DYSF: variants seen among roughly 807,000 people sequenced by gnomAD.
DYSF encodes dystrophy-associated fer-1-like 1.
In DYSF, 212 loss-of-function variants were observed where a neutral mutation model predicts 274.9. The ratio of observed to expected loss-of-function variants is 0.77; its 90% CI spans 0.69 to 0.86. The LOEUF is 0.86. DYSF is among the 40% of genes least tolerant of loss of function. The pLI, the probability that DYSF is intolerant of heterozygous loss-of-function variation, is 0.00. For synonymous variants in DYSF, 1,091 were observed against 1,078.7 expected (o/e 1.01, Z -0.22); for missense variants, 2,666 against 2,783.2 (o/e 0.96, Z 0.95).
chr2:71,479,796 T>C (rs1359613076), intron 1 of DYSF, among the ~76,000 whole-genome samples: 4 of 152,338 alleles, frequency 2.6e-5, no homozygotes, highest in East Asian at 3.9e-4. Flanking sequence ...AGAGCCATTC[T>C]GCATTCCCTC....
chr2:71,520,462 C>T (rs1412196651), intron 11 of DYSF, among the ~76,000 whole-genome samples: 1 of 152,212 alleles, frequency 6.6e-6, no homozygotes, highest in African/African-American at 2.4e-5. Context: ...ACACTGGGCT[C>T]ACGGCAGACA....
intron 53 of DYSF, among the ~76,000 whole-genome samples, chr2:71,680,436 C>G (rs2095281705): frequency 6.6e-6 from 1 of 152,120 alleles, no homozygotes; most frequent in Non-Finnish European, 1.5e-5. Flanking sequence ...TATTTATGCC[C>G]TCGGACTCTG....
At chr2:71,475,956 G>C (rs916229615) in intron 1 of DYSF, among the ~76,000 whole-genome samples, 2 of 152,008 alleles carry the variant, frequency 1.3e-5, no homozygotes, top group African/African-American at 2.4e-5. Flanking sequence ...ATTTTTTGTA[G>C]AGATGGAGCC....
intron 41 of DYSF, among the ~76,000 whole-genome samples, chr2:71,622,130 G>GTGTTTTTTTTTTT (rs775688599): frequency 1.1e-4 from 11 of 97,002 alleles, no homozygotes; most frequent in African/African-American, 4.3e-4. Context: ...TGATTTCTTT[G>GTGTTTTTTTTTTT]TTTTTTTTTT....
At chr2:71,650,263 T>C (rs2094633059) in intron 42 of DYSF, among the ~76,000 whole-genome samples, 1 of 152,108 alleles carries the variant, frequency 6.6e-6, no homozygotes, top group Non-Finnish European at 1.5e-5. Flanking sequence ...GGCAGATCAC[T>C]TGAAGTCAGG....
chr2:71,478,212 A>ATTT (rs61626723), intron 1 of DYSF, among the ~76,000 whole-genome samples: 1 of 140,894 alleles, frequency 7.1e-6, no homozygotes. Context: ...ATCCTCAATA[A>ATTT]TTTTTTTTTT....
rs1169156276 is a variant in DYSF at position 71,480,865 on chromosome 2, C to CT, written c.92-14dup. On this transcript the variant is annotated splice_polypyrimidine_tract_variant and intron_variant, in intron 1 of 55. Transcript: ENST00000410020. ...GGCGGGATGTGTCTCTCCATTCTCC[C>CT]TTTTGTGTCTCTTGTAGGGGTGAAG... 14 of 1,612,684 alleles carry CT rather than the reference C, an allele frequency of 8.7e-6. No individual in the cohort carries two copies. Among genetic ancestry groups the CT allele is most frequent in the Non-Finnish European group, 1.1e-5 (13 of 1,178,778 alleles).
rs1385763799 is a variant in DYSF at position 71,574,292 on chromosome 2, G to A, written c.3323G>A (p.Arg1108His). ...GAGTACCGCAAGACAGATGCCTTCC[G>A]CCGCCGCCGCTGGCGCCGTCGCATG... ...HLEYRKTDAF[R>H]RRRWRRRMEP... The change falls in exon 30 of 56, where the codon CGC becomes CAC. Residue 1108 changes from arginine (R) to histidine (H), a missense_variant. Physicochemically the swap from Arg to His is conservative, Grantham distance 29 (BLOSUM62 0). Around this residue, in one of 3 missense-constraint regions of DYSF, gnomAD observed 1,460 missense variants for 1,502.1 expected, o/e 0.97. Coordinates refer to ENST00000410020, the MANE Select transcript of DYSF (RefSeq NM_001130987.2). 2.5e-6 allele frequency: 4 copies of A among 1,613,294 alleles called. No homozygotes were observed. Among genetic ancestry groups the A allele is most frequent in the Non-Finnish European group, 3.4e-6 (4 of 1,179,560 alleles).
rs569528267 is a variant in DYSF at position 71,641,218 on chromosome 2, G to T, written c.4528-2747G>T. ...TTTTGAGACGGAGTCTCGCTCTGTG[G>T]CCCAGGTGGGAGTGCAGTGGCGCAA... On this transcript the variant is annotated intron_variant, in intron 41 of 55. Transcript: ENST00000410020. Among the ~76,000 whole-genome samples the T allele has an allele frequency of 6.3e-3, 876 of 138,832 alleles. 11 individuals carry two copies. Among genetic ancestry groups the T allele is most frequent in the African/African-American group, 0.024 (834 of 35,400 alleles). The allele number at this position is 138,832 out of a possible 152,430, so 91.1% of individuals were successfully genotyped here. A position where few individuals can be genotyped will look rare whatever the true frequency, so the allele number is the denominator to read the frequency against.
At chr2:71,635,353 A>C (rs894975802) in intron 41 of DYSF, among the ~76,000 whole-genome samples, 7 of 152,234 alleles carry the variant, frequency 4.6e-5, no homozygotes, top group Non-Finnish European at 8.8e-5. Flanking sequence ...CTCTTTCCCC[A>C]CATTCTGCTG....
chr2:71,620,352 A>G (rs969462537), intron 40 of DYSF, among the ~76,000 whole-genome samples, 195 bp from the exon 41 acceptor site: 1 of 152,178 alleles, frequency 6.6e-6, no homozygotes, highest in African/African-American at 2.4e-5. Context: ...TGACCCAGAG[A>G]GGTCAAGGGG....
chr2:71,535,740 G>A lies in DYSF; in HGVS notation c.1493+429G>A, dbSNP rs1235621616. On this transcript the variant is annotated intron_variant, in intron 16 of 55. Transcript: ENST00000410020. ...TGGGTTGGTGGGATGAAAAAGTAGGGTCCCCAGGCTGGAGGAGCCGACCAG... is the reference window on the plus strand; with the variant it reads ...TGGGTTGGTGGGATGAAAAAGTAGGATCCCCAGGCTGGAGGAGCCGACCAG... Among the ~76,000 whole-genome samples, 3 of 152,210 alleles carry A rather than the reference G, an allele frequency of 2.0e-5. No individual in the cohort carries two copies. In the East Asian group the frequency reaches 5.8e-4, roughly 29 times the overall value.
At chr2:71,623,074 G>A (rs965210171) in intron 41 of DYSF, among the ~76,000 whole-genome samples, 2 of 152,180 alleles carry the variant, frequency 1.3e-5, no homozygotes, top group South Asian at 2.1e-4. Context: ...CGGTCAATTG[G>A]TCATGGTATT....
intron 40 of DYSF, among the ~76,000 whole-genome samples, chr2:71,617,940 T>G (rs1340970119): frequency 9.6e-5 from 11 of 114,048 alleles, no homozygotes; most frequent in Admixed American, 2.0e-4. Context: ...GGTGTGTGTG[T>G]GGTAGAGGTG....
intron 41 of DYSF, among the ~76,000 whole-genome samples, chr2:71,626,893 T>TA (rs1384629537): frequency 6.6e-6 from 1 of 151,852 alleles, no homozygotes; most frequent in African/African-American, 2.4e-5. Context: ...TCTAAGTGAG[T>TA]GACTTTTGGT....
intron 1 of DYSF, among the ~76,000 whole-genome samples, chr2:71,473,588 G>A (rs925686887): frequency 2.0e-5 from 3 of 152,044 alleles, no homozygotes; most frequent in Non-Finnish European, 4.4e-5. Flanking sequence ...CCCCTCTCTA[G>A]GAGGGACATC....
intron 20 of DYSF, 55 bp from the exon 21 acceptor site, chr2:71,553,752 A>AACCCCCCCCC: frequency 3.7e-6 from 1 of 267,804 alleles, no homozygotes. Flanking sequence ...TTAGCACCCC[A>AACCCCCCCCC]TCCCACCCGC....
intron 12 of DYSF, among the ~76,000 whole-genome samples, chr2:71,521,937 G>A (rs1247840066): frequency 6.6e-6 from 1 of 152,198 alleles, no homozygotes; most frequent in Non-Finnish European, 1.5e-5. Context: ...ACAGCGATGA[G>A]TGGTGAGAGC....
intron 4 of DYSF, among the ~76,000 whole-genome samples, chr2:71,511,488 T>A (rs909995459): frequency 6.6e-6 from 1 of 152,206 alleles, no homozygotes; most frequent in Non-Finnish European, 1.5e-5. Flanking sequence ...TTGCTCCACA[T>A]TTGACCTGTG....
Sources: gnomAD v4.1 joint callset for allele counts (sites outside exome capture counted in the v4.1 genomes callset) on GRCh38, gnomAD v4.1.1 for gene constraint, gnomAD v4.1.1 regional missense constraint, MANE v1.5 for transcripts, NCBI Gene and HGNC (gene_info 2026-07-23, HGNC 2026-07-21) for gene names.